The following NELL2 variants were observed in gnomAD, a reference collection of about 807,000 sequenced individuals.
NELL2 encodes neural EGFL like 2, also known as protein kinase C-binding protein NELL2.
In NELL2, 41 loss-of-function variants were observed where a neutral mutation model predicts 109.6. The observed-to-expected ratio is 0.37, with a 90% confidence interval of 0.29 to 0.49. The LOEUF is 0.49. NELL2 is among the 20% of genes least tolerant of loss of function. The probability of loss-of-function intolerance (pLI) is 0.98; values close to 1 mark genes in which losing one functional copy is unlikely to be tolerated. For synonymous variants in NELL2, 355 were observed against 344.7 expected (o/e 1.03, Z -0.33); for missense variants, 900 against 1,008.3 (o/e 0.89, Z 1.45).
At chr12:44,788,573 G>A (rs1942266000) in intron 3 of NELL2, among the ~76,000 whole-genome samples, 3 of 152,226 alleles carry the variant, frequency 2.0e-5, no homozygotes, top group South Asian at 4.1e-4. Flanking sequence ...TTGGGAGGGT[G>A]CCCAGAGGCA....
chr12:44,587,919 A>G (rs1367565951), intron 15 of NELL2, among the ~76,000 whole-genome samples: 1 of 152,162 alleles, frequency 6.6e-6, no homozygotes, highest in East Asian at 1.9e-4. Flanking sequence ...TGGGAGGCCA[A>G]GGCGGGCGGA....
chr12:44,551,753 T>C (rs1315020896), intron 15 of NELL2, among the ~76,000 whole-genome samples: 1 of 152,166 alleles, frequency 6.6e-6, no homozygotes, highest in East Asian at 1.9e-4. Context: ...AAGACAATTC[T>C]AAGGTAGTAT....
upstream of NELL2, chr12:44,913,941 C>A: frequency 2.6e-6 from 1 of 381,098 alleles, no homozygotes; most frequent in South Asian, 3.7e-5. Context: ...TTGCTCAGGC[C>A]AAAAACCTTG....
intron 1 of NELL2, among the ~76,000 whole-genome samples, chr12:44,890,493 A>G (rs548701202): frequency 6.6e-6 from 1 of 152,322 alleles, no homozygotes; most frequent in African/African-American, 2.4e-5. Flanking sequence ...TCATTTATTC[A>G]AGAGGTATTT....
At chr12:44,608,442 G>A (rs1228914162) in intron 14 of NELL2, among the ~76,000 whole-genome samples, 2 of 151,902 alleles carry the variant, frequency 1.3e-5, no homozygotes, top group African/African-American at 2.4e-5. Flanking sequence ...TGTTGATACC[G>A]CACAGAACTC....
chr12:44,739,752 G>A (rs1273451038), intron 9 of NELL2, among the ~76,000 whole-genome samples: 4 of 152,058 alleles, frequency 2.6e-5, no homozygotes, highest in Non-Finnish European at 5.9e-5. Flanking sequence ...TTAGCTGGGT[G>A]TGGTGGCAGG....
intron 1 of NELL2, among the ~76,000 whole-genome samples, chr12:44,906,973 C>A (rs545095754): frequency 6.6e-6 from 1 of 152,130 alleles, no homozygotes; most frequent in African/African-American, 2.4e-5. Flanking sequence ...TGGGAGGGAC[C>A]CGGTGGGAGG....
intron 13 of NELL2, among the ~76,000 whole-genome samples, chr12:44,616,601 G>C (rs1275524200): frequency 6.6e-6 from 1 of 152,082 alleles, no homozygotes; most frequent in Non-Finnish European, 1.5e-5. Context: ...TATAACAACA[G>C]TATCAAATTA....
In NELL2 at chr12:44,876,213, C is replaced by CA; in HGVS notation, c.-345dup. The stretch of plus-strand genomic sequence containing the variant: ...GAATAAAAGCAGCCAAAGACTCGCA[C>CA]ACCCGGTAGAAGGGGGGCGGCCCCA... On this transcript the variant is annotated 5_prime_UTR_variant, in exon 1 of 20. Transcript: ENST00000429094. 8.3e-7 allele frequency: 1 copy of CA among 1,197,606 alleles called. No individual in the cohort carries two copies. The highest frequency in any genetic ancestry group is 1.0e-6 in the Non-Finnish European group (1 of 962,062). 74.2% of individuals were successfully genotyped at this position (1,197,606 alleles called of 1,614,324 possible).
intron 10 of NELL2, among the ~76,000 whole-genome samples, chr12:44,712,589 T>C (rs934586298): frequency 6.6e-6 from 1 of 151,984 alleles, no homozygotes; most frequent in Non-Finnish European, 1.5e-5. Flanking sequence ...GAGCTGTCAA[T>C]TCTGCAACAC....
chr12:44,792,980 A>G (rs886988408), intron 3 of NELL2, among the ~76,000 whole-genome samples: 1 of 152,214 alleles, frequency 6.6e-6, no homozygotes, highest in Non-Finnish European at 1.5e-5. Flanking sequence ...CCAATTATTC[A>G]TTCATATAGA....
At chr12:44,857,349 A>C (rs1386890339) in intron 2 of NELL2, among the ~76,000 whole-genome samples, 3 of 152,220 alleles carry the variant, frequency 2.0e-5, no homozygotes, top group African/African-American at 7.2e-5. Context: ...AGGACTTTAG[A>C]TTGTAGAAAT....
chr12:44,828,293 C>T (rs1943779520), intron 2 of NELL2, among the ~76,000 whole-genome samples: 1 of 152,096 alleles, frequency 6.6e-6, no homozygotes, highest in Admixed American at 6.5e-5. Flanking sequence ...ATGCCACTTC[C>T]TCTCCCTTAA....
rs547177474 is a variant in NELL2 at position 44,745,877 on chromosome 12, G to A, written c.994+28870C>T. The stretch of plus-strand genomic sequence containing the variant: ...CATGAAAATGGCCACACTGCCAAAG[G>A]TAATTTATAGATTCAATGCCATCCC... On this transcript the variant is annotated intron_variant, in intron 9 of 19. Transcript: ENST00000429094. Among the ~76,000 whole-genome samples the A allele has an allele frequency of 2.6e-5, 4 of 151,832 alleles. No individual in the cohort carries two copies. In the East Asian group the frequency reaches 7.7e-4, roughly 29 times the overall value.
At chr12:44,824,242 C>T (rs541777125) in intron 2 of NELL2, among the ~76,000 whole-genome samples, 32 of 152,322 alleles carry the variant, frequency 2.1e-4, no homozygotes, top group African/African-American at 5.5e-4. Flanking sequence ...TTGATTGTTT[C>T]CATTTTAGTG....
At chr12:44,534,995 C>T (rs1001359362) in intron 15 of NELL2, among the ~76,000 whole-genome samples, 1 of 152,006 alleles carries the variant, frequency 6.6e-6, no homozygotes, top group African/African-American at 2.4e-5. Context: ...CGGGCCCACT[C>T]CTATACTGCC....
chr12:44,565,548 C>A (rs1373287272), intron 15 of NELL2, among the ~76,000 whole-genome samples: 1 of 152,074 alleles, frequency 6.6e-6, no homozygotes, highest in African/African-American at 2.4e-5. Flanking sequence ...AGAGGGAGAG[C>A]ACTTTTAGAT....
intron 14 of NELL2, among the ~76,000 whole-genome samples, chr12:44,609,014 G>C (rs1372543980): frequency 1.3e-5 from 2 of 151,558 alleles, no homozygotes; most frequent in African/African-American, 4.8e-5. Flanking sequence ...TAATAAAATA[G>C]GTCAATTATG....
chr12:44,540,797 A>AAAAAAAAAAAAAAAAAC (rs1942523427), intron 15 of NELL2, among the ~76,000 whole-genome samples: 2 of 150,300 alleles, frequency 1.3e-5, no homozygotes, highest in Non-Finnish European at 3.0e-5. Flanking sequence ...AAAAAAAAAA[A>AAAAAAAAAAAAAAAAAC]AGCCCATCCT....
Sources: gnomAD v4.1 joint callset for allele counts (sites outside exome capture counted in the v4.1 genomes callset) on GRCh38, gnomAD v4.1.1 for gene constraint, MANE v1.5 for transcripts, NCBI Gene and HGNC (gene_info 2026-07-23, HGNC 2026-07-21) for gene names.